The following GMDS variants were observed in gnomAD, a reference collection of about 807,000 sequenced individuals.
GMDS encodes the protein GDP-mannose 4,6 dehydratase.
In GMDS, 20 loss-of-function variants were observed where a neutral mutation model predicts 49.9. The ratio of observed to expected loss-of-function variants is 0.40; its 90% CI spans 0.28 to 0.58. The LOEUF is 0.58. Among genes scored for constraint, GMDS ranks in the 20% least tolerant of loss-of-function variants. The probability of loss-of-function intolerance (pLI) is 0.42; values close to 1 mark genes in which losing one functional copy is unlikely to be tolerated. For synonymous variants in GMDS, 177 were observed against 178.6 expected, an observed-to-expected ratio of 0.99 and a Z score of 0.07; for missense variants, 362 against 481.4, an observed-to-expected ratio of 0.75 and a Z score of 2.32.
intron 1 of GMDS, among the ~76,000 whole-genome samples, chr6:2,131,918 AT>A (rs1775760802): frequency 1.3e-5 from 2 of 152,018 alleles, no homozygotes; most frequent in South Asian, 4.1e-4. Flanking sequence ...AGAAAAAAAA[AT>A]CTTCATATGG....
At chr6:1,753,894 G>T (rs1767834657) in intron 7 of GMDS, among the ~76,000 whole-genome samples, 1 of 152,064 alleles carries the variant, frequency 6.6e-6, no homozygotes, top group African/African-American at 2.4e-5. Flanking sequence ...GTGTTTAGAG[G>T]GTAATTTATA....
intron 6 of GMDS, among the ~76,000 whole-genome samples, chr6:1,934,927 G>C (rs1023335154): frequency 1.3e-5 from 2 of 152,170 alleles, no homozygotes; most frequent in African/African-American, 2.4e-5. Flanking sequence ...AGCCGAGCCG[G>C]ACCCAGGCCT....
At chr6:2,023,549 G>A (rs1253704670) in intron 4 of GMDS, among the ~76,000 whole-genome samples, 2 of 152,218 alleles carry the variant, frequency 1.3e-5, no homozygotes, top group African/African-American at 4.8e-5. Flanking sequence ...AGGAGCATGT[G>A]CACGCCAAGA....
intron 4 of GMDS, among the ~76,000 whole-genome samples, chr6:2,085,502 T>C (rs1451867285): frequency 6.6e-6 from 1 of 152,186 alleles, no homozygotes; most frequent in Non-Finnish European, 1.5e-5. Flanking sequence ...TCTGACTTTT[T>C]TGCACATCAG....
At chr6:1,632,954 A>C (rs1196312427) in intron 9 of GMDS, among the ~76,000 whole-genome samples, 1 of 152,226 alleles carries the variant, frequency 6.6e-6, no homozygotes, top group Admixed American at 6.5e-5. Flanking sequence ...ACGTGGCTCA[A>C]CCACTTAACT....
rs141541353 is a variant in GMDS at position 1,837,864 on chromosome 6, A to C, written c.771+92239T>G. Among the ~76,000 whole-genome samples the C allele has an allele frequency of 2.6e-5, 4 of 152,268 alleles. No individual in the cohort carries two copies. The East Asian group carries it at 5.8e-4, about 22-fold the overall frequency. On this transcript the variant is annotated intron_variant, in intron 7 of 10. Transcript: ENST00000380815. The stretch of plus-strand genomic sequence containing the variant: ...CTCAGCATCTACAGCTCAGGGAGGA[A>C]GGAGACCCAGGCCTCACAGGGAGCA...
At chr6:2,040,405 G>A (rs922419301) in intron 4 of GMDS, among the ~76,000 whole-genome samples, 1 of 152,168 alleles carries the variant, frequency 6.6e-6, no homozygotes, top group African/African-American at 2.4e-5. Flanking sequence ...GTGACTGTGG[G>A]AAATTAGAGG....
intron 1 of GMDS, among the ~76,000 whole-genome samples, chr6:2,141,750 C>T (rs954674580): frequency 2.0e-5 from 3 of 152,196 alleles, no homozygotes; most frequent in African/African-American, 7.2e-5. Flanking sequence ...GCATCTCTGA[C>T]CACAAACGGC....
chr6:1,625,025 A>C (rs1762810193), intron 9 of GMDS: 2 of 151,394 alleles, frequency 1.3e-5, no homozygotes. Context: ...GTCCTACCCA[A>C]AGCCACCAGC....
At chr6:2,076,972 G>A (rs961121275) in intron 4 of GMDS, among the ~76,000 whole-genome samples, 1 of 152,086 alleles carries the variant, frequency 6.6e-6, no homozygotes, top group African/African-American at 2.4e-5. Context: ...CTTCTATTTC[G>A]TTCATCCATC....
At chr6:2,077,640 T>C (rs749090662) in intron 4 of GMDS, among the ~76,000 whole-genome samples, 6 of 152,118 alleles carry the variant, frequency 3.9e-5, no homozygotes, top group Non-Finnish European at 5.9e-5. Context: ...GCCCACTTGA[T>C]TGTGGTGTAT....
chr6:1,878,511 T>C (rs1426340903), intron 7 of GMDS, among the ~76,000 whole-genome samples: 1 of 151,920 alleles, frequency 6.6e-6, no homozygotes, highest in Non-Finnish European at 1.5e-5. Context: ...CACAGACATG[T>C]GACATCACAG....
chr6:2,006,098 C>T (rs1487843400), intron 4 of GMDS, among the ~76,000 whole-genome samples: 1 of 152,096 alleles, frequency 6.6e-6, no homozygotes, highest in Admixed American at 6.6e-5. Flanking sequence ...TGAATGCCCT[C>T]ACCTCCATTC....
Position 2,104,207 on chromosome 6 carries a change from T to C in GMDS, c.345+11564A>G, listed in dbSNP as rs544716701. 3.4e-4 allele frequency among the ~76,000 whole-genome samples: 52 copies of C among 152,348 alleles called. No individual in the cohort carries two copies. The South Asian group carries it at 0.01, about 30-fold the overall frequency. ...CTTTATTTTGACATGCATATTATCT[T>C]AGCTGATTTCAATCATCTTACAGGA... On this transcript the variant is annotated intron_variant, in intron 4 of 10. Transcript: ENST00000380815.
chr6:1,636,495 G>A (rs562583805), intron 9 of GMDS, among the ~76,000 whole-genome samples: 8 of 152,322 alleles, frequency 5.3e-5, no homozygotes, highest in Admixed American at 1.3e-4. Context: ...ACAAGGAAGC[G>A]TGCAGCATGA....
chr6:1,862,129 T>C (rs764126968), intron 7 of GMDS, among the ~76,000 whole-genome samples: 4 of 151,980 alleles, frequency 2.6e-5, no homozygotes, highest in African/African-American at 9.7e-5. Context: ...AGGAAGGGAG[T>C]TGATGATGAG....
At chr6:1,927,520 C>T (rs897229836) in intron 7 of GMDS, among the ~76,000 whole-genome samples, 2 of 152,230 alleles carry the variant, frequency 1.3e-5, no homozygotes, top group African/African-American at 4.8e-5. Flanking sequence ...CTGAACACGA[C>T]CTTTTTGCAC....
intron 7 of GMDS, among the ~76,000 whole-genome samples, chr6:1,808,432 G>GGCA (rs1770271694): frequency 6.6e-6 from 1 of 152,152 alleles, no homozygotes; most frequent in Non-Finnish European, 1.5e-5. Flanking sequence ...AGAGACATGA[G>GGCA]GCAATGGCTA....
chr6:2,187,584 G>A (rs2127566189), intron 1 of GMDS, among the ~76,000 whole-genome samples: 1 of 152,304 alleles, frequency 6.6e-6, no homozygotes, highest in South Asian at 2.1e-4. Flanking sequence ...CCTATCCTAT[G>A]AGAGTGGTGC....
Sources: gnomAD v4.1 joint callset for allele counts (sites outside exome capture counted in the v4.1 genomes callset) on GRCh38, gnomAD v4.1.1 for gene constraint, MANE v1.5 for transcripts, NCBI Gene and HGNC (gene_info 2026-07-23, HGNC 2026-07-21) for gene names.